Variants in STK24 observed in about 807,000 individuals in gnomAD.
STK24 encodes the protein serine/threonine kinase 24, also known as serine/threonine-protein kinase 24.
A neutral mutation model predicts 55.6 loss-of-function variants in STK24; 21 were observed. That is an observed-to-expected ratio of 0.38 (90% CI 0.27 to 0.54). The LOEUF (loss-of-function observed/expected upper bound fraction) is 0.54, where lower values mean the gene tolerates loss of function less well. Ranked by LOEUF, STK24 falls within the 20% of genes least tolerant of loss-of-function variation. The pLI is 0.79. For missense variants in STK24, 383 were observed against 538.4 expected (o/e 0.71, Z 2.86); for synonymous variants, 200 against 215.2 (o/e 0.93, Z 0.62).
chr13:98,477,819 C>T (rs1443200930), intron 3 of STK24, among the ~76,000 whole-genome samples: 3 of 152,132 alleles, frequency 2.0e-5, no homozygotes, highest in Non-Finnish European at 4.4e-5. Flanking sequence ...CTCCCAAAAG[C>T]AACGGCAGAG....
At chr13:98,476,270 G>C (rs1376572742) in intron 3 of STK24, among the ~76,000 whole-genome samples, 1 of 143,300 alleles carries the variant, frequency 7.0e-6, no homozygotes, top group East Asian at 2.0e-4. Flanking sequence ...GAGTGGGGCA[G>C]TCAGTCACAA....
rs543303390 is a variant in STK24, at chr13:98,462,642, C to T, written c.930-745G>A. ...CCCCAACTGACACCCTTTTTTCTCTCGGCTCAAGTGACCTCCACAGAGCAG... is the reference window on the plus strand; with the variant it reads ...CCCCAACTGACACCCTTTTTTCTCTTGGCTCAAGTGACCTCCACAGAGCAG... On this transcript the variant is annotated intron_variant, in intron 7 of 10. Transcript: ENST00000539966. 9.2e-5 allele frequency among the ~76,000 whole-genome samples: 14 copies of T among 152,190 alleles called. No homozygotes were observed. The South Asian group carries it at 1.2e-3, about 14-fold the overall frequency.
chr13:98,576,887 G>A lies in STK24; in HGVS notation c.-101C>T, dbSNP rs1157403221. The A allele has an allele frequency of 1.3e-6, 1 of 798,480 alleles. No individual in the cohort carries two copies. Among genetic ancestry groups the A allele is most frequent in the Non-Finnish European group, 1.5e-6 (1 of 662,006 alleles). The allele number at this position is 798,480 out of a possible 1,614,324, so 49.5% of individuals were successfully genotyped here. A position where few individuals can be genotyped will look rare whatever the true frequency, so the allele number is the denominator to read the frequency against. ...GCCGCGCGCAGCCCTCGGGCGGCGG[G>A]GCCGGCCGGAGCCCGAGGCCACCCC... is the stretch of plus-strand genomic sequence containing the variant. On this transcript the variant is annotated 5_prime_UTR_variant, in exon 1 of 11. Transcript: ENST00000539966.
chr13:98,535,789 T>C (rs1488120484), intron 1 of STK24, among the ~76,000 whole-genome samples: 3 of 152,210 alleles, frequency 2.0e-5, no homozygotes, highest in African/African-American at 4.8e-5. Flanking sequence ...GCTCATGAGC[T>C]GCAAGCTTCA....
At chr13:98,511,454 T>C (rs1306157276) in intron 2 of STK24, among the ~76,000 whole-genome samples, 1 of 152,264 alleles carries the variant, frequency 6.6e-6, no homozygotes, top group Non-Finnish European at 1.5e-5. Context: ...CATAAGTATT[T>C]GCTCTAGAAA....
At position 98,448,124 on chromosome 13, in the gene STK24, A is replaced by G. The variant is rs1892970604; in HGVS notation, c.*5049T>C. The G allele has an allele frequency of 3.4e-6, 3 of 877,026 alleles. No homozygotes were observed. In the East Asian group the frequency reaches 7.4e-5, roughly 22 times the overall value. 54.3% of individuals were successfully genotyped at this position (877,026 alleles called of 1,614,324 possible). A position where few individuals can be genotyped will look rare whatever the true frequency, so the allele number is the denominator to read the frequency against. ...CCTTGCTCTTCTGCTGAAGTGGCAG[A>G]TTACCAACCAGGCGGCCTGACTTCA... is the stretch of plus-strand genomic sequence containing the variant. On this transcript the variant is annotated 3_prime_UTR_variant, in exon 11 of 11. Transcript: ENST00000539966.
Position 98,476,247 on chromosome 13 carries a change from C to CCT in STK24, c.331-890_331-889insAG, listed in dbSNP as rs1555303369. ...CTTCAAACCAGACGGGAAGCCCCCC[C>CCT]CCGCCCCCTGCAGAGTGGGGCAGTC... On this transcript the variant is annotated intron_variant, in intron 3 of 10. Transcript: ENST00000539966. Among the ~76,000 whole-genome samples the CCT allele has an allele frequency of 5.4e-5, 8 of 147,546 alleles. No homozygotes were observed. The East Asian group carries it at 6.1e-4, about 11-fold the overall frequency.
chr13:98,508,225 C>T (rs1240198342), intron 2 of STK24, among the ~76,000 whole-genome samples: 1 of 151,986 alleles, frequency 6.6e-6, no homozygotes, highest in Non-Finnish European at 1.5e-5. Context: ...TATACAGGAT[C>T]CCAAAAGCAG....
chr13:98,535,457 T>C (rs1896704158), intron 1 of STK24, among the ~76,000 whole-genome samples: 1 of 145,598 alleles, frequency 6.9e-6, no homozygotes, highest in Admixed American at 6.9e-5. Context: ...CCAAATAAAG[T>C]ATATAGTTCC....
intron 1 of STK24, among the ~76,000 whole-genome samples, chr13:98,532,640 A>G (rs1270368803): frequency 6.6e-6 from 1 of 152,260 alleles, no homozygotes; most frequent in Non-Finnish European, 1.5e-5. Flanking sequence ...TCAAATACCT[A>G]TCTTTAGCAA....
intron 6 of STK24, among the ~76,000 whole-genome samples, chr13:98,464,080 A>G (rs1222265476): frequency 6.6e-6 from 1 of 152,146 alleles, no homozygotes; most frequent in Admixed American, 6.5e-5. Flanking sequence ...ATACATTTTC[A>G]CAGAAAACTC....
intron 1 of STK24, among the ~76,000 whole-genome samples, chr13:98,561,604 G>A (rs543255036): frequency 1.4e-4 from 21 of 152,030 alleles, no homozygotes; most frequent in African/African-American, 5.1e-4. Flanking sequence ...AAAGAAAGCA[G>A]CAAGGTTATT....
chr13:98,446,073 T>G lies in STK24; in HGVS notation c.*7100A>C. On this transcript the variant is annotated 3_prime_UTR_variant, in exon 11 of 11. Transcript: ENST00000539966. The stretch of plus-strand genomic sequence containing the variant: ...TCCTGGGGCAGGTGCCCGCTGTGCT[T>G]CTCACAGGCCTCCTTGCCTTTCAGA... The G allele has an allele frequency of 6.5e-7, 1 of 1,541,468 alleles. No homozygotes were observed. The highest frequency in any genetic ancestry group is 1.1e-5 in the South Asian group (1 of 89,528).
At chr13:98,514,941 T>A (rs1896003658) in intron 2 of STK24, among the ~76,000 whole-genome samples, 1 of 152,086 alleles carries the variant, frequency 6.6e-6, no homozygotes, top group African/African-American at 2.4e-5. Context: ...ATAGTAATCA[T>A]GGAAGTATAT....
At position 98,453,225 on chromosome 13, in the gene STK24, G is replaced by A. The variant is rs765420585; in HGVS notation, c.1260-16C>T. 1 of 1,611,888 alleles carries A rather than the reference G, an allele frequency of 6.2e-7. No homozygotes were observed. The highest frequency in any genetic ancestry group is 1.1e-5 in the South Asian group (1 of 90,810). On this transcript the variant is annotated splice_polypyrimidine_tract_variant and intron_variant, in intron 10 of 10. Coordinates refer to ENST00000539966, the MANE Select transcript of STK24 (RefSeq NM_001032296.4). ...TAGAGAGTATCTAGGGAAAAAGAGA[G>A]AGAGAGAAGTCAACACATGTCATTT...
At chr13:98,572,135 C>G (rs1189110892) in intron 1 of STK24, among the ~76,000 whole-genome samples, 2 of 152,200 alleles carry the variant, frequency 1.3e-5, no homozygotes, top group Non-Finnish European at 2.9e-5. Flanking sequence ...TCAGTCACTG[C>G]AACCTTCTTA....
chr13:98,568,725 A>G (rs6491431), intron 1 of STK24, among the ~76,000 whole-genome samples: 150,118 of 152,114 alleles, frequency 0.99, 74,090 homozygotes, highest in South Asian at 1. Context: ...AAAATTAGCC[A>G]GGCATGGTGG....
chr13:98,485,597 A>T (rs1164387185), intron 2 of STK24, among the ~76,000 whole-genome samples: 1 of 152,230 alleles, frequency 6.6e-6, no homozygotes, highest in Non-Finnish European at 1.5e-5. Flanking sequence ...TCTAGTCCCC[A>T]GGCAAGAAGG....
chr13:98,481,567 G>C (rs932571613), intron 3 of STK24, among the ~76,000 whole-genome samples: 4 of 152,132 alleles, frequency 2.6e-5, no homozygotes, highest in African/African-American at 9.7e-5. Flanking sequence ...TGCTTATTTT[G>C]GAAACTAAGT....
Sources: allele counts gnomAD v4.1 joint callset (sites outside exome capture counted in the v4.1 genomes callset), GRCh38; gene constraint gnomAD v4.1.1; transcripts MANE v1.5; gene names NCBI Gene and HGNC (gene_info 2026-07-23, HGNC 2026-07-21).